Variants in POLQ observed in about 807,000 individuals in gnomAD.
The protein encoded by POLQ is epididymis secretory sperm binding protein.
In POLQ, 233 loss-of-function variants were observed where a neutral mutation model predicts 259.2. The ratio of observed to expected loss-of-function variants is 0.90; its 90% CI spans 0.81 to 1.00. The LOEUF (loss-of-function observed/expected upper bound fraction) is 1.00, where lower values mean the gene tolerates loss of function less well. Among genes scored for constraint, POLQ ranks in the 50% least tolerant of loss-of-function variants. The pLI is 0.00. For missense variants in POLQ, 2,871 were observed against 3,051.6 expected, an observed-to-expected ratio of 0.94 and a Z score of 1.39; for synonymous variants, 1,025 against 1,048.8, an observed-to-expected ratio of 0.98 and a Z score of 0.44.
At chr3:121,451,675 G>A (rs531034097) in intron 25 of POLQ, among the ~76,000 whole-genome samples, 1 of 152,328 alleles carries the variant, frequency 6.6e-6, no homozygotes, top group East Asian at 1.9e-4. Flanking sequence ...GTAACTGGCC[G>A]TGTGAGGTGT....
At chr3:121,449,888 A>G (rs2047659702) in intron 25 of POLQ, among the ~76,000 whole-genome samples, 1 of 152,180 alleles carries the variant, frequency 6.6e-6, no homozygotes, top group Non-Finnish European at 1.5e-5. Flanking sequence ...ACTGGAAAAA[A>G]AAATCCTCCT....
At position 121,481,752 on chromosome 3, in the gene POLQ, T is replaced by C; in HGVS notation, c.6031A>G (p.Ser2011Gly). Residue 2011 changes from serine to glycine, a missense_variant, in exon 19 of 30, where the codon AGT becomes GGT. By Grantham distance (56) the Ser-to-Gly change is moderately conservative. Coordinates refer to ENST00000264233, the MANE Select transcript of POLQ (RefSeq NM_199420.4). ...QEPTLHSIVT[S>G]FLPHELPLLE... Reference sequence around the variant, plus strand: ...AGTGGAAGCTCATGAGGAAGAAAACTGGTAACTATGCTATGAAGAGTCGGC... The same window carrying C: ...AGTGGAAGCTCATGAGGAAGAAAACCGGTAACTATGCTATGAAGAGTCGGC... 1 of 1,613,886 alleles carries C rather than the reference T, an allele frequency of 6.2e-7. No homozygotes were observed. Among genetic ancestry groups the C allele is most frequent in the South Asian group, 1.1e-5 (1 of 91,070 alleles).
intron 3 of POLQ, among the ~76,000 whole-genome samples, chr3:121,540,437 A>G (rs1040892820): frequency 5.3e-5 from 8 of 152,236 alleles, no homozygotes. Flanking sequence ...TCAAAAGCAC[A>G]TATTTTTCAC....
In POLQ at chr3:121,541,496, C is replaced by G. The variant is rs769504076; in HGVS notation, c.344-17G>C. On this transcript the variant is annotated splice_polypyrimidine_tract_variant and intron_variant, in intron 2 of 29. Transcript: ENST00000264233. ...TTGTAGGAGCTAAAACATGATTATT[C>G]CACAAGATTATAAGAAAAAAGTAAT... 1 of 1,577,242 alleles carries G rather than the reference C, an allele frequency of 6.3e-7. No individual in the cohort carries two copies. The highest frequency in any genetic ancestry group is 8.6e-7 in the Non-Finnish European group (1 of 1,163,578).
intron 14 of POLQ, chr3:121,494,608 T>C: frequency 6.5e-7 from 1 of 1,527,538 alleles, no homozygotes; most frequent in South Asian, 1.1e-5. Flanking sequence ...TCAAGCTGGC[T>C]GTCTTCTTGC....
rs908319895 is a variant in POLQ, at chr3:121,487,585, G to A, written c.5346C>T (p.Asn1782=). Residue 1782 remains asparagine, a synonymous_variant, in exon 16 of 30, where the codon AAC becomes AAT. Transcript: ENST00000264233. ...TTCTACTCCCTGGACTTAAATCGTG[G>A]TTTTTAATATCTGAAGGTGAGCCAA... is the stretch of plus-strand genomic sequence containing the variant. The part of the protein sequence containing the change: ...YLFGSPSDIK[N]HDLSPGSRNG... 1.2e-6 allele frequency: 2 copies of A among 1,614,032 alleles called. No homozygotes were observed. Among genetic ancestry groups the A allele is most frequent in the Middle Eastern group, 1.7e-4 (1 of 6,060 alleles).
intron 6 of POLQ, 32 bp from the exon 7 acceptor site, chr3:121,529,824 G>A (rs1439320545): frequency 6.5e-7 from 1 of 1,548,588 alleles, no homozygotes; most frequent in Non-Finnish European, 8.7e-7. Context: ...CCACTTTAGT[G>A]GTCCTTTCAA....
At position 121,465,947 on chromosome 3, in the gene POLQ, T is replaced by C. The variant is rs541915426; in HGVS notation, c.6967+1572A>G. Among the ~76,000 whole-genome samples, 5 of 152,262 alleles carry C rather than the reference T, an allele frequency of 3.3e-5. No homozygotes were observed. The South Asian group carries it at 8.3e-4, about 25-fold the overall frequency. On this transcript the variant is annotated intron_variant, in intron 24 of 29. Transcript: ENST00000264233. Reference sequence around the variant, plus strand: ...CCAAAAAGCTAGAAACGATTAAGCTTATGAGGAAGGCATGTCAAAAGCTGA... The same window carrying C: ...CCAAAAAGCTAGAAACGATTAAGCTCATGAGGAAGGCATGTCAAAAGCTGA...
intron 12 of POLQ, among the ~76,000 whole-genome samples, chr3:121,499,651 T>C (rs566479796): frequency 3.4e-4 from 52 of 152,188 alleles, no homozygotes; most frequent in African/African-American, 1.2e-3. Flanking sequence ...AAAGAATCAA[T>C]AACATAGAGG....
chr3:121,449,977 C>T (rs1313239273), intron 25 of POLQ, among the ~76,000 whole-genome samples: 1 of 152,128 alleles, frequency 6.6e-6, no homozygotes, highest in Non-Finnish European at 1.5e-5. Context: ...AAGAAAATTT[C>T]GGGAGTAGTG....
rs1301897984 is a variant in POLQ at position 121,545,821 on chromosome 3, C to T, written c.57G>A (p.Ser19=). ...TGCTGTCACCGCCGCTTCCCGAGAA[C>T]GAATCTGAGCCTGATTCTGAACGCC... is the stretch of plus-strand genomic sequence containing the variant. ...KRRRSESGSD[S]FSGSGGDSSA... The change falls in exon 1 of 30, where the codon TCG becomes TCA. Residue 19 remains serine (S), a synonymous_variant. Coordinates refer to ENST00000264233, the MANE Select transcript of POLQ (RefSeq NM_199420.4). 5 of 1,613,874 alleles carry T rather than the reference C, an allele frequency of 3.1e-6. No individual in the cohort carries two copies. The highest frequency in any genetic ancestry group is 2.7e-5 in the African/African-American group (2 of 75,050).
At chr3:121,447,716 A>G (rs1181806779) in intron 26 of POLQ, among the ~76,000 whole-genome samples, 1 of 151,962 alleles carries the variant, frequency 6.6e-6, no homozygotes, top group African/African-American at 2.4e-5. Flanking sequence ...TCTTTTTGGC[A>G]TTTCTTGTAG....
chr3:121,533,292 C>T, intron 5 of POLQ, 83 bp from the exon 6 acceptor site: 1 of 864,394 alleles, frequency 1.2e-6, no homozygotes, highest in Non-Finnish European at 1.7e-6. Flanking sequence ...CTTGGTTATG[C>T]CCTTTGGTAC....
At chr3:121,466,295 A>C (rs563115858) in intron 24 of POLQ, among the ~76,000 whole-genome samples, 10 of 151,908 alleles carry the variant, frequency 6.6e-5, no homozygotes, top group African/African-American at 2.4e-4. Flanking sequence ...AAAAAAAAAA[A>C]AAACTGATTC....
intron 9 of POLQ, among the ~76,000 whole-genome samples, 195 bp downstream of exon 9, chr3:121,519,675 CA>C (rs959037678): frequency 0.04 from 2,374 of 59,792 alleles, 31 homozygotes; most frequent in African/African-American, 0.13. Flanking sequence ...GACTCCGTCT[CA>C]AAAAAAAAAA....
chr3:121,485,963 C>T (rs554053054), intron 16 of POLQ, among the ~76,000 whole-genome samples: 1 of 152,320 alleles, frequency 6.6e-6, no homozygotes, highest in African/African-American at 2.4e-5. Context: ...CTGATTTCCA[C>T]AGCTGACTAC....
At chr3:121,482,504 G>A (rs1006767912) in intron 18 of POLQ, among the ~76,000 whole-genome samples, 3 of 136,810 alleles carry the variant, frequency 2.2e-5, no homozygotes, top group Non-Finnish European at 3.1e-5. Context: ...TGGGCAACAA[G>A]AGCAAAACTT....
At position 121,487,915 on chromosome 3, in the gene POLQ, AT is replaced by A. The variant is rs373379255; in HGVS notation, c.5015del (p.Asn1672IlefsTer4). 5.0e-6 allele frequency: 8 copies of A among 1,605,554 alleles called. No homozygotes were observed. Among genetic ancestry groups the A allele is most frequent in the Admixed American group, 1.7e-5 (1 of 58,308 alleles). ...TINFSSLNRK[N>X]TELNEEQEVI... ...CTTCTTGTTCTTCATTTAACTCTGT[AT>A]TTTTTCTATTCAAACTGGAAAAGTT... On this transcript the variant is annotated frameshift_variant, in exon 16 of 30. Transcript: ENST00000264233. LOFTEE classifies it high-confidence loss of function.
At chr3:121,510,756 G>A (rs1328519396) in intron 10 of POLQ, among the ~76,000 whole-genome samples, 5 of 151,976 alleles carry the variant, frequency 3.3e-5, no homozygotes, top group Non-Finnish European at 5.9e-5. Flanking sequence ...CAACAGAAAA[G>A]TTCTCCTTAA....
Sources: allele counts gnomAD v4.1 joint callset (sites outside exome capture counted in the v4.1 genomes callset), GRCh38; gene constraint gnomAD v4.1.1; transcripts MANE v1.5; gene names NCBI Gene and HGNC (gene_info 2026-07-23, HGNC 2026-07-21).